CCDC171: variants seen among roughly 807,000 people sequenced by gnomAD.
CCDC171 encodes the protein coiled-coil domain-containing protein 171.
Under a neutral mutation model 168.2 loss-of-function variants are expected in CCDC171, and 177 were observed. The observed-to-expected ratio is 1.05, with a 90% CI of 0.93 to 1.19. The LOEUF (loss-of-function observed/expected upper bound fraction) is 1.19. Ranked by LOEUF, CCDC171 falls within the 50% of genes most tolerant of loss-of-function variation. The pLI, the probability that CCDC171 is intolerant of heterozygous loss-of-function variation, is 0.00. For synonymous variants in CCDC171, 687 were observed against 540.8 expected (o/e 1.27, Z -3.75); for missense variants, 1,991 against 1,539.0 (o/e 1.29, Z -4.91).
chr9:15,753,083 C>G (rs991442922), intron 18 of CCDC171, among the ~76,000 whole-genome samples: 11 of 152,024 alleles, frequency 7.2e-5, no homozygotes, highest in Non-Finnish European at 1.5e-4. Flanking sequence ...CGCTAATACG[C>G]ACAGTTGTTA....
chr9:15,952,491 G>A (rs546593239), intron 25 of CCDC171, among the ~76,000 whole-genome samples: 4 of 152,218 alleles, frequency 2.6e-5, no homozygotes, highest in African/African-American at 9.6e-5. Flanking sequence ...TCGGTCTGCT[G>A]GGTTCAAGTG....
At chr9:15,828,837 A>G (rs2060119475) in intron 21 of CCDC171, among the ~76,000 whole-genome samples, 1 of 152,236 alleles carries the variant, frequency 6.6e-6, no homozygotes, top group African/African-American at 2.4e-5. Flanking sequence ...TTCTAAAAAT[A>G]GGTCAGAAAA....
intron 3 of CCDC171, among the ~76,000 whole-genome samples, chr9:15,572,242 C>T (rs1312250820): frequency 6.6e-6 from 1 of 151,852 alleles, no homozygotes; most frequent in South Asian, 2.1e-4. Flanking sequence ...GCATATAGTC[C>T]AAGATAGTTT....
chr9:15,583,954 G>C (rs780526907), intron 4 of CCDC171, among the ~76,000 whole-genome samples: 5 of 152,004 alleles, frequency 3.3e-5, no homozygotes, highest in Non-Finnish European at 7.4e-5. Flanking sequence ...TGCAACCACC[G>C]CCTCCCGGGT....
chr9:16,006,774 TGGC>T (rs1832709843), intron 3 of CCDC171, among the ~76,000 whole-genome samples: 1 of 152,228 alleles, frequency 6.6e-6, no homozygotes, highest in African/African-American at 2.4e-5. Flanking sequence ...TCATTTTTTA[TGGC>T]TGCATGGTAT....
chr9:15,893,887 G>A (rs542078160), intron 24 of CCDC171, among the ~76,000 whole-genome samples: 2 of 152,058 alleles, frequency 1.3e-5, no homozygotes, highest in African/African-American at 4.8e-5. Context: ...AAGACCTAGA[G>A]GCAGAAATAC....
At chr9:16,027,350 C>G (rs893322319) in intron 6 of CCDC171, among the ~76,000 whole-genome samples, 1 of 151,892 alleles carries the variant, frequency 6.6e-6, no homozygotes, top group Non-Finnish European at 1.5e-5. Context: ...ATACCTGGAC[C>G]ACCAACAAAA....
At chr9:16,086,997 C>G in the CCDC171 span, among the ~76,000 whole-genome samples, 7 of 152,196 alleles carry the variant, frequency 4.6e-5, no homozygotes, top group Non-Finnish European at 1.0e-4. Context: ...ACCCAGTAGT[C>G]TTTCAGGAGC....
chr9:15,746,290 A>T (rs546500841), intron 18 of CCDC171, among the ~76,000 whole-genome samples: 1 of 152,348 alleles, frequency 6.6e-6, no homozygotes, highest in African/African-American at 2.4e-5. Flanking sequence ...GTTTAATGAA[A>T]TGTAAGCCTA....
At chr9:15,635,761 C>A (rs529159635) in intron 7 of CCDC171, among the ~76,000 whole-genome samples, 2 of 152,138 alleles carry the variant, frequency 1.3e-5, no homozygotes, top group African/African-American at 2.4e-5. Flanking sequence ...CATTCGTGTA[C>A]AGGTTTTTGT....
intron 24 of CCDC171, among the ~76,000 whole-genome samples, chr9:15,908,860 A>G (rs1260393133): frequency 1.3e-5 from 2 of 152,182 alleles, no homozygotes; most frequent in African/African-American, 2.4e-5. Context: ...GCACCAAGCC[A>G]TGAGGGATCT....
intron 16 of CCDC171, among the ~76,000 whole-genome samples, chr9:15,742,812 C>G (rs565417380): frequency 1.3e-5 from 2 of 149,582 alleles, no homozygotes; most frequent in Non-Finnish European, 3.0e-5. Flanking sequence ...TTTTTTTTTT[C>G]TTTTTTAATA....
At chr9:15,749,387 T>A (rs201675298) in intron 18 of CCDC171, among the ~76,000 whole-genome samples, 1 of 151,410 alleles carries the variant, frequency 6.6e-6, no homozygotes, top group Non-Finnish European at 1.5e-5. Flanking sequence ...ACTTTAACAC[T>A]CCACTGTCAA....
In CCDC171 at chr9:15,971,707, A is replaced by G. The variant is rs1445733032; in HGVS notation, c.3852A>G (p.Glu1284=). 6.2e-7 allele frequency: 1 copy of G among 1,613,792 alleles called. No individual in the cohort carries two copies. The highest frequency in any genetic ancestry group is 1.7e-5 in the Admixed American group (1 of 59,998). The part of the protein sequence containing the change: ...GIGDFLPLKA[E]LDTTYTFLKE... ...GGGATTTCTTACCATTGAAAGCTGAACTTGATACTACTTACACTTTCTTAA... is the reference window on the plus strand; with the variant it reads ...GGGATTTCTTACCATTGAAAGCTGAGCTTGATACTACTTACACTTTCTTAA... The change falls in exon 26 of 26, where the codon GAA becomes GAG. Residue 1284 remains glutamate (E), a synonymous_variant. Transcript: ENST00000380701.
At chr9:15,829,895 G>A (rs1202835337) in intron 21 of CCDC171, among the ~76,000 whole-genome samples, 1 of 152,188 alleles carries the variant, frequency 6.6e-6, no homozygotes, top group Non-Finnish European at 1.5e-5. Flanking sequence ...ACTCCAGCCT[G>A]GACAACAGAG....
At chr9:15,822,797 A>G (rs1239719118) in intron 21 of CCDC171, among the ~76,000 whole-genome samples, 1 of 152,158 alleles carries the variant, frequency 6.6e-6, no homozygotes, top group East Asian at 1.9e-4. Context: ...GGGATCTAGA[A>G]CTAGAAATGC....
intron 24 of CCDC171, among the ~76,000 whole-genome samples, chr9:15,915,419 A>G (rs1824361822): frequency 6.6e-6 from 1 of 151,634 alleles, no homozygotes; most frequent in Non-Finnish European, 1.5e-5. Flanking sequence ...GTCCTCAGAT[A>G]GATTATTATG....
intron 8 of CCDC171, among the ~76,000 whole-genome samples, chr9:15,660,055 T>C (rs1429059518): frequency 6.6e-6 from 1 of 152,200 alleles, no homozygotes; most frequent in African/African-American, 2.4e-5. Flanking sequence ...ATGCAATTTA[T>C]AGTGTTTTAC....
intron 6 of CCDC171, among the ~76,000 whole-genome samples, chr9:15,605,555 C>T (rs1485889128): frequency 5.4e-5 from 8 of 148,172 alleles, no homozygotes; most frequent in African/African-American, 1.7e-4. Context: ...GGAGTAGTGG[C>T]ACGCACCTGT....
Sources: gnomAD v4.1 joint callset for allele counts (sites outside exome capture counted in the v4.1 genomes callset) on GRCh38, gnomAD v4.1.1 for gene constraint, MANE v1.5 for transcripts, NCBI Gene and HGNC (gene_info 2026-07-23, HGNC 2026-07-21) for gene names.